The following PLGRKT variants were observed in gnomAD, a reference collection of about 807,000 sequenced individuals.
PLGRKT encodes plasminogen receptor (KT).
In PLGRKT, 22 loss-of-function variants were observed where a neutral mutation model predicts 18.5. That is an observed-to-expected ratio of 1.19 (90% confidence interval 0.85 to 1.70). The LOEUF (loss-of-function observed/expected upper bound fraction) is 1.70. Among genes scored for constraint, PLGRKT ranks in the 40% most tolerant of loss-of-function variants. The pLI, the probability that PLGRKT is intolerant of heterozygous loss-of-function variation, is 0.00. For missense variants in PLGRKT, 235 were observed against 174.4 expected (o/e 1.35, Z -1.96); for synonymous variants, 72 against 52.8 (o/e 1.36, Z -1.58).
chr9:5,365,534 A>T (rs1462180782), intron 3 of PLGRKT, among the ~76,000 whole-genome samples: 1 of 152,174 alleles, frequency 6.6e-6, no homozygotes, highest in Non-Finnish European at 1.5e-5. Context: ...CTTGCTCCCA[A>T]TGAAAACAGT....
intron 3 of PLGRKT, among the ~76,000 whole-genome samples, chr9:5,369,065 A>G (rs1035609588): frequency 5.9e-5 from 9 of 152,214 alleles, no homozygotes; most frequent in Non-Finnish European, 1.2e-4. Flanking sequence ...TTCATGACTA[A>G]AACACCAAAA....
chr9:5,381,963 C>G, intron 3 of PLGRKT: 1 of 985,236 alleles, frequency 1.0e-6, no homozygotes. Context: ...AGCCAGCTCT[C>G]AAGCACAAGG....
At chr9:5,417,681 G>A (rs545052233) in intron 3 of PLGRKT, among the ~76,000 whole-genome samples, 54 of 147,048 alleles carry the variant, frequency 3.7e-4, no homozygotes, top group Non-Finnish European at 7.4e-4. Context: ...ATGATGTCTC[G>A]GTTTATTGCT....
chr9:5,437,267 T>C (rs1818978358), intron 1 of PLGRKT, among the ~76,000 whole-genome samples: 1 of 152,184 alleles, frequency 6.6e-6, no homozygotes. Flanking sequence ...AAAAATTAAT[T>C]GCATGAATTC....
intron 3 of PLGRKT, among the ~76,000 whole-genome samples, chr9:5,428,564 T>C (rs954307110): frequency 6.6e-6 from 1 of 152,240 alleles, no homozygotes; most frequent in Non-Finnish European, 1.5e-5. Flanking sequence ...GCACCCATTC[T>C]GGGACGAGGA....
intron 3 of PLGRKT, chr9:5,392,649 T>C (rs917341485): frequency 3.3e-5 from 5 of 151,820 alleles, no homozygotes; most frequent in African/African-American, 1.2e-4. Context: ...AGTTATCTCA[T>C]CTATTAAAAA....
chr9:5,391,071 G>A (rs140682101), intron 3 of PLGRKT, among the ~76,000 whole-genome samples: 1,583 of 151,966 alleles, frequency 0.01, 20 homozygotes, highest in Non-Finnish European at 0.017. Context: ...CATCCCAATA[G>A]CCAGAAAAGT....
In PLGRKT at chr9:5,361,862, A is replaced by G. The variant is rs765484854; in HGVS notation, c.108T>C (p.Ser36=). The change falls in exon 4 of 6, where the codon AGT becomes AGC. Residue 36 remains serine (S), a synonymous_variant. Coordinates refer to ENST00000223864, the MANE Select transcript of PLGRKT (RefSeq NM_018465.4). ...TGGCCATTTGTCTTTCCCTCATTTC[A>G]CTCTGCATGATGAGCTGCCTTTCCA... ...LQLERQLIMQ[S]EMRERQMAMQ... The G allele has an allele frequency of 1.1e-5, 17 of 1,613,036 alleles. No homozygotes were observed. The highest frequency in any genetic ancestry group is 1.4e-5 in the Non-Finnish European group (16 of 1,179,520).
chr9:5,419,131 C>G (rs1818523084), intron 3 of PLGRKT, among the ~76,000 whole-genome samples: 1 of 152,178 alleles, frequency 6.6e-6, no homozygotes, highest in African/African-American at 2.4e-5. Context: ...AGGGCGACCT[C>G]AGCGACAGGC....
intron 3 of PLGRKT, among the ~76,000 whole-genome samples, chr9:5,424,518 TA>T (rs1491176433): frequency 9.1e-6 from 1 of 110,364 alleles, no homozygotes; most frequent in African/African-American, 3.7e-5. Context: ...ATATAACATA[TA>T]AATATATATT....
chr9:5,373,683 G>GTA (rs1817572365), intron 3 of PLGRKT, among the ~76,000 whole-genome samples: 1 of 152,086 alleles, frequency 6.6e-6, no homozygotes, highest in Non-Finnish European at 1.5e-5. Context: ...CTGTAGTCTT[G>GTA]GCTACTTGGC....
At chr9:5,413,468 A>G (rs2131147998) in intron 3 of PLGRKT, among the ~76,000 whole-genome samples, 1 of 152,344 alleles carries the variant, frequency 6.6e-6, no homozygotes, top group Admixed American at 6.5e-5. Context: ...ATCCAGGCCC[A>G]GTGTAATCAC....
intron 3 of PLGRKT, among the ~76,000 whole-genome samples, chr9:5,430,341 T>C (rs10815223): frequency 0.64 from 96,740 of 152,076 alleles, 31,136 homozygotes; most frequent in East Asian, 0.7. Context: ...AAGCATCGGA[T>C]AGCTGGCTGA....
chr9:5,433,524 T>C (rs1390656329), intron 2 of PLGRKT, among the ~76,000 whole-genome samples: 2 of 149,202 alleles, frequency 1.3e-5, no homozygotes, highest in African/African-American at 2.5e-5. Flanking sequence ...GAGGAGCGCC[T>C]TTGCCCGGCC....
intron 3 of PLGRKT, among the ~76,000 whole-genome samples, chr9:5,385,871 C>G (rs1380967983): frequency 1.3e-5 from 2 of 151,890 alleles, no homozygotes; most frequent in East Asian, 3.8e-4. Context: ...GAGATGGTGT[C>G]TCTCTCAAGA....
chr9:5,367,399 C>G (rs1171041150), intron 3 of PLGRKT, among the ~76,000 whole-genome samples: 1 of 152,002 alleles, frequency 6.6e-6, no homozygotes, highest in Non-Finnish European at 1.5e-5. Flanking sequence ...GAAACGTATG[C>G]CAATGGAAAA....
At position 5,362,770 on chromosome 9, in the gene PLGRKT, T is replaced by C. The variant is rs548169514; in HGVS notation, c.82-882A>G. ...GGGAGTAGCTGGGAGGGGCGAATGA[T>C]AGTTTAGATGTAAAGATGGGGCTTG... On this transcript the variant is annotated intron_variant, in intron 3 of 5. Coordinates refer to ENST00000223864, the MANE Select transcript of PLGRKT (RefSeq NM_018465.4). 2.6e-5 allele frequency among the ~76,000 whole-genome samples: 4 copies of C among 152,178 alleles called. No homozygotes were observed. The East Asian group carries it at 5.8e-4, about 22-fold the overall frequency.
At chr9:5,369,007 G>A (rs967755083) in intron 3 of PLGRKT, among the ~76,000 whole-genome samples, 1 of 152,134 alleles carries the variant, frequency 6.6e-6, no homozygotes, top group African/African-American at 2.4e-5. Flanking sequence ...AAAAACCCTA[G>A]AAGAAAACCT....
At chr9:5,402,028 T>G (rs764286436) in intron 3 of PLGRKT, among the ~76,000 whole-genome samples, 1 of 151,932 alleles carries the variant, frequency 6.6e-6, no homozygotes, top group Non-Finnish European at 1.5e-5. Context: ...ATCGCAGGTA[T>G]GTAAAGCAGT....
Sources: gnomAD v4.1 joint callset for allele counts (sites outside exome capture counted in the v4.1 genomes callset) on GRCh38, gnomAD v4.1.1 for gene constraint, MANE v1.5 for transcripts, NCBI Gene and HGNC (gene_info 2026-07-23, HGNC 2026-07-21) for gene names.